The following ZNF500 variants were observed in gnomAD, a reference collection of about 807,000 sequenced individuals.
ZNF500 encodes the protein zinc finger protein 500.
ZNF500 carries 31 observed loss-of-function variants against 30.1 expected under a neutral mutation model. The ratio of observed to expected loss-of-function variants is 1.03; its 90% CI spans 0.77 to 1.39. The LOEUF (loss-of-function observed/expected upper bound fraction) is 1.39. Ranked by LOEUF, ZNF500 falls within the 40% of genes most tolerant of loss-of-function variation. The pLI, the probability that ZNF500 is intolerant of heterozygous loss-of-function variation, is 0.00. For synonymous variants in ZNF500, 392 were observed against 282.0 expected (o/e 1.39, Z -3.91); for missense variants, 817 against 657.8 (o/e 1.24, Z -2.65).
chr16:4,766,079 G>A lies in ZNF500; in HGVS notation c.-98-3C>T. 1 of 1,374,470 alleles carries A rather than the reference G, an allele frequency of 7.3e-7. No individual in the cohort carries two copies. The highest frequency in any genetic ancestry group is 9.7e-7 in the Non-Finnish European group (1 of 1,034,910). 85.1% of individuals were successfully genotyped at this position (1,374,470 alleles called of 1,614,324 possible). ...GGAAGAGAGTTTTTTTCAGGGCCCT[G>A]TGGAGAGACGATAAAACCATCTGAA... On this transcript the variant is annotated splice_polypyrimidine_tract_variant and splice_region_variant and intron_variant, in intron 1 of 5. Transcript: ENST00000219478.
rs535860827 is a variant in ZNF500 at position 4,750,373 on chromosome 16, G to A, written c.*2003C>T. On this transcript the variant is annotated 3_prime_UTR_variant, in exon 6 of 6. Transcript: ENST00000219478. Reference sequence around the variant, plus strand: ...AGACAGGATCTCACTCTGTCTTCCAGGATGAGTGCAGTGGCACAATCACAG... The same window carrying A: ...AGACAGGATCTCACTCTGTCTTCCAAGATGAGTGCAGTGGCACAATCACAG... 2 of 152,444 alleles carry A rather than the reference G, an allele frequency of 1.3e-5. No individual in the cohort carries two copies. The highest frequency in any genetic ancestry group is 4.8e-5 in the African/African-American group (2 of 41,574). The allele number at this position is 152,444 out of a possible 1,614,324, so 9.4% of individuals were successfully genotyped here.
At position 4,751,692 on chromosome 16, in the gene ZNF500, T is replaced by G. The variant is rs536543282; in HGVS notation, c.*684A>C. On this transcript the variant is annotated 3_prime_UTR_variant, in exon 6 of 6. Coordinates refer to ENST00000219478, the MANE Select transcript of ZNF500 (RefSeq NM_021646.4). The stretch of plus-strand genomic sequence containing the variant: ...GAAACACGGGTTTTGATGATATAAT[T>G]AGTTAAGATGAGGTCACAGTGTATT... 4 of 1,498,200 alleles carry G rather than the reference T, an allele frequency of 2.7e-6. No homozygotes were observed. The African/African-American group carries it at 5.5e-5, about 21-fold the overall frequency. The allele number at this position is 1,498,200 out of a possible 1,614,324, so 92.8% of individuals were successfully genotyped here. A position where few individuals can be genotyped will look rare whatever the true frequency, so the allele number is the denominator to read the frequency against.
At chr16:4,765,096 T>G (rs1050005955) in intron 2 of ZNF500, among the ~76,000 whole-genome samples, 5 of 150,632 alleles carry the variant, frequency 3.3e-5, no homozygotes, top group African/African-American at 9.8e-5. Context: ...AGGCCAGGAG[T>G]TCAAGACCAG....
Position 4,751,488 on chromosome 16 carries a change from T to G in ZNF500, c.*888A>C. The stretch of plus-strand genomic sequence containing the variant: ...TGTCTTCCGCCCTGCAGAGCAGCTA[T>G]GGATCTGCAAAGGGGACTGGAATGC... On this transcript the variant is annotated 3_prime_UTR_variant, in exon 6 of 6. Transcript: ENST00000219478. 3 of 1,304,850 alleles carry G rather than the reference T, an allele frequency of 2.3e-6. No homozygotes were observed. Among genetic ancestry groups the G allele is most frequent in the Non-Finnish European group, 3.1e-6 (3 of 968,646 alleles). 80.8% of individuals were successfully genotyped at this position (1,304,850 alleles called of 1,614,324 possible).
In ZNF500 at chr16:4,749,834, C is replaced by A. The variant is rs544014229; in HGVS notation, c.*2542G>T. 1 of 152,170 alleles carries A rather than the reference C, an allele frequency of 6.6e-6. No homozygotes were observed. The highest frequency in any genetic ancestry group is 1.9e-4 in the East Asian group (1 of 5,176). The allele number at this position is 152,170 out of a possible 1,614,324, so 9.4% of individuals were successfully genotyped here. On this transcript the variant is annotated 3_prime_UTR_variant, in exon 6 of 6. Transcript: ENST00000219478. ...CTCAAAACAAAACAAAAAAAGGAGA[C>A]TAATGGGAGTCCCCCCTCACTGGAC...
chr16:4,752,000 T>G lies in ZNF500; in HGVS notation c.*376A>C. On this transcript the variant is annotated 3_prime_UTR_variant, in exon 6 of 6. Transcript: ENST00000219478. ...CAGGAGAGGGGTTGGGACGTGGGGA[T>G]GAGGCTGTATGCCAGCAGCCACTGG... The G allele has an allele frequency of 3.8e-5, 40 of 1,055,436 alleles. No homozygotes were observed. Among genetic ancestry groups the G allele is most frequent in the Non-Finnish European group, 4.5e-5 (37 of 815,456 alleles). The allele number at this position is 1,055,436 out of a possible 1,614,324, so 65.4% of individuals were successfully genotyped here. A position where few individuals can be genotyped will look rare whatever the true frequency, so the allele number is the denominator to read the frequency against.
At chr16:4,746,878 A>G, downstream of ZNF500, 1 of 1,470,422 alleles carries the variant, frequency 6.8e-7, no homozygotes, top group South Asian at 1.3e-5. Flanking sequence ...CAAGAGTTGG[A>G]ACACCAGGTG....
At chr16:4,744,819 C>T (rs2081992644), downstream of ZNF500, 6 of 1,574,592 alleles carry the variant, frequency 3.8e-6, no homozygotes, top group South Asian at 6.7e-5. Flanking sequence ...TGCTGTAAGT[C>T]ACAAGTGGGC....
chr16:4,761,014 A>AG (rs1229221047), intron 4 of ZNF500, among the ~76,000 whole-genome samples: 2 of 152,234 alleles, frequency 1.3e-5, no homozygotes, highest in African/African-American at 4.8e-5. Flanking sequence ...TGATTAAAAA[A>AG]ACAAGCAAAC....
intron 4 of ZNF500, 29 bp from the exon 5 acceptor site, chr16:4,760,617 G>GCCCT (rs2082187982): frequency 6.2e-7 from 1 of 1,601,020 alleles, no homozygotes; most frequent in Non-Finnish European, 8.5e-7. Context: ...CTCAGTCCTG[G>GCCCT]CCCCAAGCAA....
intron 1 of ZNF500, 76 bp from the exon 2 acceptor site, chr16:4,766,152 C>G: frequency 1.5e-6 from 1 of 670,984 alleles, no homozygotes; most frequent in Non-Finnish European, 2.3e-6. Flanking sequence ...AAGCCCCTGC[C>G]CTGGTTCCAA....
At chr16:4,753,935 T>C (rs1238663528) in intron 5 of ZNF500, among the ~76,000 whole-genome samples, 3 of 152,178 alleles carry the variant, frequency 2.0e-5, no homozygotes, top group Non-Finnish European at 4.4e-5. Flanking sequence ...CTGAGGCCCC[T>C]CTGCAGATCC....
rs750840364 is a variant in ZNF500 at position 4,752,966 on chromosome 16, C to A, written c.853G>T (p.Gly285Trp). ...TGACCTGGGAGCGGGTGGCCAGGCC[C>A]CTGGCATCGTGCCGAGAGCACTCGG... The part of the protein sequence containing the change: ...WYRVLSARCQ[G>W]PGHPLPGQRP... Residue 285 changes from glycine to tryptophan, a missense_variant, in exon 6 of 6, where the codon GGG (glycine) becomes TGG (tryptophan). By Grantham distance (184) the Gly-to-Trp change is radical. Transcript: ENST00000219478. 3.2e-5 allele frequency: 52 copies of A among 1,608,026 alleles called. No individual in the cohort carries two copies. In the East Asian group the frequency reaches 1.1e-3, roughly 35 times the overall value.
At chr16:4,763,031 C>G (rs2082224800) in intron 2 of ZNF500, 12 of 985,414 alleles carry the variant, frequency 1.2e-5, no homozygotes, top group Non-Finnish European at 1.4e-5. Context: ...TGGGATAGAC[C>G]CTGGGCCAGA....
At chr16:4,747,652 G>C (rs760541942), downstream of ZNF500, 9 of 1,582,196 alleles carry the variant, frequency 5.7e-6, no homozygotes, top group African/African-American at 2.7e-5. Context: ...GATCCCAGGA[G>C]TGGGCAGGGG....
rs199612943 is a variant in ZNF500, at chr16:4,765,839, T to G, written c.140A>C (p.Glu47Ala). ...PSVETEDPSP[E>A]TFRQLFRLFC... ...GAGCCGGAAGAGCTGGCGGAAAGTC[T>G]CAGGGCTGGGGTCCTCCGTCTCCAC... Residue 47 changes from glutamate (E) to alanine (A), a missense_variant, in exon 2 of 6, where the codon GAG becomes GCG. Glu to Ala is a moderately radical substitution (Grantham distance 107). Coordinates refer to ENST00000219478, the MANE Select transcript of ZNF500 (RefSeq NM_021646.4). The G allele has an allele frequency of 5.6e-6, 9 of 1,613,588 alleles. No individual in the cohort carries two copies. Among genetic ancestry groups the G allele is most frequent in the Non-Finnish European group, 7.6e-6 (9 of 1,180,006 alleles).
At chr16:4,753,112 A>G in intron 5 of ZNF500, 54 bp from the exon 6 acceptor site, 1 of 1,493,708 alleles carries the variant, frequency 6.7e-7, no homozygotes, top group South Asian at 1.4e-5. Context: ...GGCAAGGGAA[A>G]TCCTTCTAAT....
At chr16:4,764,070 A>C (rs1302485546) in intron 2 of ZNF500, 1 of 985,196 alleles carries the variant, frequency 1.0e-6, no homozygotes, top group Admixed American at 6.2e-5. Flanking sequence ...GGCTTCCTCT[A>C]CTCCTTCAAA....
chr16:4,746,834 G>C, downstream of ZNF500: 3 of 1,219,450 alleles, frequency 2.5e-6, no homozygotes, highest in South Asian at 3.2e-5. Flanking sequence ...CTTGCATTGG[G>C]TCACCAGCAA....
Sources: gnomAD v4.1 joint callset for allele counts (sites outside exome capture counted in the v4.1 genomes callset) on GRCh38, gnomAD v4.1.1 for gene constraint, MANE v1.5 for transcripts, NCBI Gene and HGNC (gene_info 2026-07-23, HGNC 2026-07-21) for gene names.